Variants in DEFB134 observed in about 807,000 individuals in gnomAD.
The protein encoded by DEFB134 is beta-defensin 134.
Under a neutral mutation model 7.4 loss-of-function variants are expected in DEFB134, and 7 were observed. That is an observed-to-expected ratio of 0.95 (90% confidence interval 0.54 to 1.79). The LOEUF is 1.79. Ranked by LOEUF, DEFB134 falls within the 40% of genes most tolerant of loss-of-function variation. The pLI is 0.00. For synonymous variants in DEFB134, 33 were observed against 25.0 expected, an observed-to-expected ratio of 1.32 and a Z score of -0.96; for missense variants, 105 against 74.8, an observed-to-expected ratio of 1.40 and a Z score of -1.49.
chr8:11,996,746 CATAGCT>C (rs1324106685), upstream of DEFB134, among the ~76,000 whole-genome samples: 1 of 152,118 alleles, frequency 6.6e-6, no homozygotes, highest in Admixed American at 6.5e-5. Context: ...TTTTGTTTTA[CATAGCT>C]ATAAACAATA....
exon 2 of DEFB134, chr8:11,993,859 G>T: frequency 7.5e-7 from 1 of 1,330,762 alleles, no homozygotes; most frequent in Non-Finnish European, 1.0e-6. Context: ...CTATAAAAAT[G>T]CTAAAAACCA....
intron 1 of DEFB134, among the ~76,000 whole-genome samples, chr8:11,995,369 G>T (rs1800090858): frequency 6.6e-6 from 1 of 152,130 alleles, no homozygotes. Flanking sequence ...TGATTCATTT[G>T]CCTGGAGAAT....
exon 2 of DEFB134, chr8:11,993,456 T>C (rs1258194898): frequency 6.6e-6 from 1 of 152,360 alleles, no homozygotes; most frequent in Non-Finnish European, 1.5e-5. Flanking sequence ...GCCTCTCCTG[T>C]TCCAAAGGAA....
At chr8:11,994,788 T>C (rs1244257024) in intron 1 of DEFB134, among the ~76,000 whole-genome samples, 1 of 152,158 alleles carries the variant, frequency 6.6e-6, no homozygotes, top group Non-Finnish European at 1.5e-5. Flanking sequence ...GGGGTACAGA[T>C]TTGAGTATGA....
At chr8:11,997,730 A>G (rs933158735), upstream of DEFB134, among the ~76,000 whole-genome samples, 3 of 152,240 alleles carry the variant, frequency 2.0e-5, no homozygotes, top group African/African-American at 7.2e-5. Flanking sequence ...ACAAGTTCTT[A>G]GAGACCTATG....
upstream of DEFB134, among the ~76,000 whole-genome samples, chr8:11,998,156 C>A (rs1011157115): frequency 6.6e-6 from 1 of 152,020 alleles, no homozygotes; most frequent in African/African-American, 2.4e-5. Flanking sequence ...TCAAGAAATT[C>A]TTTGAAACTG....
upstream of DEFB134, among the ~76,000 whole-genome samples, chr8:11,997,999 A>T (rs1157103266): frequency 6.6e-6 from 1 of 152,242 alleles, no homozygotes; most frequent in African/African-American, 2.4e-5. Context: ...AATTAAAAAG[A>T]ACGCATGCCA....
exon 2 of DEFB134, chr8:11,993,840 T>A: frequency 8.8e-7 from 1 of 1,132,850 alleles, no homozygotes; most frequent in Non-Finnish European, 1.2e-6. Context: ...ACCACAAGAG[T>A]CTGCTGGCCT....
chr8:11,998,716 G>C (rs915271678), upstream of DEFB134, among the ~76,000 whole-genome samples: 3 of 151,982 alleles, frequency 2.0e-5, no homozygotes, highest in Admixed American at 1.3e-4. Context: ...ATGAAATAGA[G>C]ACATGAACCC....
intron 1 of DEFB134, among the ~76,000 whole-genome samples, chr8:11,994,331 T>C (rs1158267209): frequency 6.6e-6 from 1 of 152,168 alleles, no homozygotes; most frequent in Non-Finnish European, 1.5e-5. Context: ...TGTGACTGTC[T>C]TTAGAGATAG....
upstream of DEFB134, chr8:11,998,988 G>T (rs1800198786): frequency 6.6e-6 from 1 of 152,524 alleles, no homozygotes; most frequent in African/African-American, 2.4e-5. Flanking sequence ...GAACTGGAAA[G>T]AAATTGAATG....
exon 2 of DEFB134, chr8:11,993,905 C>G (rs1800044374): frequency 6.4e-7 from 1 of 1,558,514 alleles, no homozygotes; most frequent in Non-Finnish European, 8.7e-7. Flanking sequence ...ACAGTTTGAT[C>G]TAAATTCCCT....
chr8:11,995,153 A>G (rs1800083940), intron 1 of DEFB134, among the ~76,000 whole-genome samples: 2 of 152,236 alleles, frequency 1.3e-5, no homozygotes. Context: ...CTATAAAATG[A>G]GACAAGAACT....
chr8:11,998,992 T>A (rs763332646), upstream of DEFB134: 1 of 152,458 alleles, frequency 6.6e-6, no homozygotes, highest in Admixed American at 6.5e-5. Flanking sequence ...TGGAAAGAAA[T>A]TGAATGCCTG....
upstream of DEFB134, chr8:11,996,340 T>C (rs935655081): frequency 3.4e-6 from 5 of 1,450,170 alleles, no homozygotes; most frequent in East Asian, 2.3e-5. Context: ...CACAGTCCTA[T>C]ACAAACCTCT....
chr8:11,996,310 CAG>C lies in DEFB134; in HGVS notation c.-61_-60del, dbSNP rs1435227070. 1 of 1,593,030 alleles carries C rather than the reference CAG, an allele frequency of 6.3e-7. No homozygotes were observed. Among genetic ancestry groups the C allele is most frequent in the African/African-American group, 1.3e-5 (1 of 74,564 alleles). On this transcript the variant is annotated 5_prime_UTR_variant, in exon 1 of 2. Transcript: ENST00000526438. ...GGGTCTGACATCGGCTGTCAGGGAA[CAG>C]AGAGAAGAGGTTGAGCACACAGTCC...
upstream of DEFB134, among the ~76,000 whole-genome samples, chr8:11,997,451 G>A (rs1364965499): frequency 6.6e-6 from 1 of 152,090 alleles, no homozygotes; most frequent in Non-Finnish European, 1.5e-5. Flanking sequence ...GAAAGGCTGG[G>A]CCACAGCTGT....
chr8:11,993,605 G>C (rs147952084), exon 2 of DEFB134: 331 of 165,270 alleles, frequency 2.0e-3, no homozygotes, highest in African/African-American at 7.5e-3. Context: ...CACAGAAATG[G>C]GAAATGCGAA....
intron 1 of DEFB134, among the ~76,000 whole-genome samples, chr8:11,995,719 C>A (rs1800101128): frequency 6.6e-6 from 1 of 152,220 alleles, no homozygotes; most frequent in Non-Finnish European, 1.5e-5. Context: ...TCACTATTTT[C>A]TGGTTTTGAC....
Sources: allele counts gnomAD v4.1 joint callset (sites outside exome capture counted in the v4.1 genomes callset), GRCh38; gene constraint gnomAD v4.1.1; transcripts MANE v1.5; gene names NCBI Gene and HGNC (gene_info 2026-07-23, HGNC 2026-07-21).